MYLK: variants seen among roughly 807,000 people sequenced by gnomAD.
MYLK encodes the protein myosin light chain kinase, smooth muscle.
A neutral mutation model predicts 203.4 loss-of-function variants in MYLK; 106 were observed. The ratio of observed to expected loss-of-function variants is 0.52; its 90% CI spans 0.45 to 0.61. The LOEUF (loss-of-function observed/expected upper bound fraction) is 0.61. Among genes scored for constraint, MYLK ranks in the 20% least tolerant of loss-of-function variants. MYLK has a pLI of 0.00. For missense variants in MYLK, 2,072 were observed against 2,442.3 expected (o/e 0.85, Z 3.20); for synonymous variants, 867 against 959.5 (o/e 0.90, Z 1.78).
At chr3:123,749,121 A>AC (rs2063116525) in intron 5 of MYLK, among the ~76,000 whole-genome samples, 1 of 149,900 alleles carries the variant, frequency 6.7e-6, no homozygotes, top group African/African-American at 2.5e-5. Context: ...ATACATACAA[A>AC]TACATAAATT....
chr3:123,640,555 G>GACTC lies in MYLK; in HGVS notation c.4620-52_4620-51insGAGT. ...TCAGGCCACAGGCTCATGGAGGCCA[G>GACTC]GCTGGCAGGGAGTCTGGCCAGGGTA... On this transcript the variant is annotated intron_variant, in intron 27 of 33. Coordinates refer to ENST00000360304, the MANE Select transcript of MYLK (RefSeq NM_053025.4). This position sits in a 1 kb window ranked among gnomAD's most constrained non-coding sequence, Gnocchi z 4.3. The GACTC allele has an allele frequency of 6.2e-7, 1 of 1,601,320 alleles. No homozygotes were observed.
chr3:123,740,775 C>G (rs926210355), intron 5 of MYLK, among the ~76,000 whole-genome samples: 1 of 152,230 alleles, frequency 6.6e-6, no homozygotes, highest in East Asian at 1.9e-4. Flanking sequence ...CACTGCCAGT[C>G]GGTCCTAGGT....
intron 2 of MYLK, among the ~76,000 whole-genome samples, chr3:123,844,998 T>A (rs2066680905): frequency 6.6e-6 from 1 of 152,140 alleles, no homozygotes; most frequent in African/African-American, 2.4e-5. Flanking sequence ...TGAGCCACAG[T>A]GCCTGACCTC....
intron 16 of MYLK, among the ~76,000 whole-genome samples, chr3:123,702,231 G>A (rs543817700): frequency 5.9e-5 from 9 of 152,228 alleles, no homozygotes; most frequent in African/African-American, 2.2e-4. Flanking sequence ...GCAGCAGATT[G>A]TCCCTCCAAC....
intron 4 of MYLK, among the ~76,000 whole-genome samples, chr3:123,792,197 A>G (rs184640386): frequency 4.6e-5 from 7 of 152,320 alleles, no homozygotes; most frequent in Admixed American, 2.0e-4. Context: ...CTTCCTCTCC[A>G]TATTTGTTTG....
chr3:123,883,696 A>C (rs2033682185), intron 1 of MYLK, among the ~76,000 whole-genome samples: 1 of 152,208 alleles, frequency 6.6e-6, no homozygotes, highest in South Asian at 2.1e-4. Flanking sequence ...GAGCGAGGTA[A>C]GGAGCTTAAA....
At chr3:123,713,951 C>A (rs999352907) in intron 13 of MYLK, among the ~76,000 whole-genome samples, 4 of 152,154 alleles carry the variant, frequency 2.6e-5, no homozygotes, top group East Asian at 1.9e-4. Flanking sequence ...ATACATGGCA[C>A]ACAAGCAGTA....
chr3:123,734,372 C>G (rs1210736578), intron 9 of MYLK, 150 bp from the exon 10 acceptor site: 3 of 770,150 alleles, frequency 3.9e-6, no homozygotes, highest in African/African-American at 1.8e-5. Flanking sequence ...GCATCTTTCT[C>G]TGCAGTTTGC....
At chr3:123,725,251 C>T (rs957084481) in intron 12 of MYLK, among the ~76,000 whole-genome samples, 1 of 152,190 alleles carries the variant, frequency 6.6e-6, no homozygotes, top group South Asian at 2.1e-4. Flanking sequence ...CCCTGGGGAT[C>T]CCCACAGTAG....
At chr3:123,777,528 G>C (rs1027103274) in intron 4 of MYLK, among the ~76,000 whole-genome samples, 6 of 152,196 alleles carry the variant, frequency 3.9e-5, no homozygotes, top group Non-Finnish European at 1.5e-5. Flanking sequence ...CGAGTCTTGC[G>C]CTCACCCTCT....
rs35930843 is a variant in MYLK, at chr3:123,614,028, GT to G, written c.*76del. ...ACACTAGGTGCTTTTACTATCTTGA[GT>G]TTTTTTTTTTTTTTTGAGTTTTAGA... On this transcript the variant is annotated 3_prime_UTR_variant, in exon 34 of 34. Transcript: ENST00000360304. 0.12 allele frequency: 147,542 copies of G among 1,266,852 alleles called. 3,254 individuals are homozygous for G. The highest frequency in any genetic ancestry group is 0.34 in the African/African-American group (21,849 of 63,502). 78.5% of individuals were successfully genotyped at this position (1,266,852 alleles called of 1,614,324 possible).
At chr3:123,804,019 T>A (rs1246512452) in intron 3 of MYLK, among the ~76,000 whole-genome samples, 1 of 152,240 alleles carries the variant, frequency 6.6e-6, no homozygotes, top group Non-Finnish European at 1.5e-5. Context: ...CTGTCAGGCA[T>A]TAGACTAAGT....
chr3:123,838,321 TA>T (rs1289643312), intron 2 of MYLK, among the ~76,000 whole-genome samples: 1 of 151,880 alleles, frequency 6.6e-6, no homozygotes, highest in African/African-American at 2.4e-5. Context: ...TTCTCAAAAA[TA>T]AAAGAAAAAT....
chr3:123,878,386 A>G (rs2033292207), intron 1 of MYLK, among the ~76,000 whole-genome samples: 1 of 152,202 alleles, frequency 6.6e-6, no homozygotes, highest in African/African-American at 2.4e-5. Context: ...ACAGCCTCAG[A>G]TGACATTCCA....
At chr3:123,811,747 A>T (rs1385405952) in intron 3 of MYLK, among the ~76,000 whole-genome samples, 1 of 152,310 alleles carries the variant, frequency 6.6e-6, no homozygotes, top group East Asian at 1.9e-4. Flanking sequence ...TGAAACGGCA[A>T]TTCTAGTGCC....
Position 123,752,544 on chromosome 3 carries a change from A to G in MYLK, c.166-6T>C. ...GGCTCTGGGTAACCCCGGACCTTCA[A>G]GAAAAAGAAGAAAGGGTAAGAGCCT... is the stretch of plus-strand genomic sequence containing the variant. On this transcript the variant is annotated splice_polypyrimidine_tract_variant and splice_region_variant and intron_variant, in intron 4 of 33. Coordinates refer to ENST00000360304, the MANE Select transcript of MYLK (RefSeq NM_053025.4). 6.2e-7 allele frequency: 1 copy of G among 1,609,468 alleles called. No individual in the cohort carries two copies. The highest frequency in any genetic ancestry group is 8.5e-7 in the Non-Finnish European group (1 of 1,178,268).
chr3:123,666,477 G>A (rs986502230), intron 21 of MYLK, 131 bp from the exon 22 acceptor site: 4 of 1,276,040 alleles, frequency 3.1e-6, no homozygotes, highest in Non-Finnish European at 4.4e-6. Context: ...TAAGACTGAG[G>A]GGCAGTGATC....
At chr3:123,650,486 AGTGT>A (rs1182187602) in intron 24 of MYLK, among the ~76,000 whole-genome samples, 1 of 152,016 alleles carries the variant, frequency 6.6e-6, no homozygotes, top group African/African-American at 2.4e-5. Context: ...TGTGAGTGTG[AGTGT>A]GAGTGTGTTT....
At chr3:123,706,410 C>T (rs997646650) in intron 16 of MYLK, among the ~76,000 whole-genome samples, 2 of 152,114 alleles carry the variant, frequency 1.3e-5, no homozygotes, top group African/African-American at 2.4e-5. Context: ...ATGATGGGCT[C>T]AGCATGGGGA....
Sources: gnomAD v4.1 joint callset for allele counts (sites outside exome capture counted in the v4.1 genomes callset) on GRCh38, gnomAD v4.1.1 for gene constraint, Gnocchi (gnomAD v3.1) non-coding constraint, MANE v1.5 for transcripts, NCBI Gene and HGNC (gene_info 2026-07-23, HGNC 2026-07-21) for gene names.